FNBP4: variants seen among roughly 807,000 people sequenced by gnomAD.
FNBP4 encodes the protein formin-binding protein 4.
A neutral mutation model predicts 119.3 loss-of-function variants in FNBP4; 34 were observed. That is an observed-to-expected ratio of 0.28 (90% confidence interval 0.22 to 0.38). The LOEUF is 0.38. Ranked by LOEUF, FNBP4 falls within the 10% of genes least tolerant of loss-of-function variation. The probability of loss-of-function intolerance (pLI) is 1.00; values close to 1 mark genes in which losing one functional copy is unlikely to be tolerated. For synonymous variants in FNBP4, 462 were observed against 430.6 expected (o/e 1.07, Z -0.90); for missense variants, 1,112 against 1,228.9 (o/e 0.90, Z 1.42).
At chr11:47,736,101 C>T (rs1234334916) in intron 9 of FNBP4, among the ~76,000 whole-genome samples, 3 of 150,422 alleles carry the variant, frequency 2.0e-5, no homozygotes, top group East Asian at 2.0e-4. Flanking sequence ...ACTTGCCAGG[C>T]GTAGTGGTGG....
chr11:47,720,545 T>TAC (rs1457773615), intron 15 of FNBP4, among the ~76,000 whole-genome samples: 1 of 151,166 alleles, frequency 6.6e-6, no homozygotes, highest in African/African-American at 2.4e-5. Flanking sequence ...CAGCCTGGGC[T>TAC]ACAGAGGGAG....
chr11:47,737,774 T>C (rs955671030), intron 8 of FNBP4, among the ~76,000 whole-genome samples: 2 of 151,522 alleles, frequency 1.3e-5, no homozygotes, highest in African/African-American at 4.9e-5. Context: ...GAGATGGAGT[T>C]TCGCTCTTGT....
At chr11:47,760,747 T>C in intron 2 of FNBP4, among the ~76,000 whole-genome samples, 1 of 152,080 alleles carries the variant, frequency 6.6e-6, no homozygotes, top group Non-Finnish European at 1.5e-5. Context: ...TCTATTTTCG[T>C]AGAGACAGGT....
intron 8 of FNBP4, among the ~76,000 whole-genome samples, chr11:47,739,111 T>C (rs1640704148): frequency 1.3e-5 from 2 of 151,782 alleles, no homozygotes; most frequent in African/African-American, 4.8e-5. Flanking sequence ...TTTTGTTTTT[T>C]AGTAGAGACA....
At chr11:47,731,209 G>T (rs1565128861) in intron 12 of FNBP4, 165 bp downstream of exon 12, 3 of 603,998 alleles carry the variant, frequency 5.0e-6, no homozygotes. Flanking sequence ...ATAGTATGCT[G>T]ATTTCCAACC....
At chr11:47,750,816 T>C in intron 6 of FNBP4, 100 bp downstream of exon 6, 2 of 1,238,806 alleles carry the variant, frequency 1.6e-6, no homozygotes, top group Non-Finnish European at 2.3e-6. Flanking sequence ...CTATTTCACA[T>C]GTATGACATA....
At position 47,750,938 on chromosome 11, in the gene FNBP4, A is replaced by G; in HGVS notation, c.884T>C (p.Ile295Thr). 6.2e-7 allele frequency: 1 copy of G among 1,614,054 alleles called. No homozygotes were observed. The highest frequency in any genetic ancestry group is 8.5e-7 in the Non-Finnish European group (1 of 1,180,010). ...SVSSSKSGPVIAKREVKKEVN... is the reference protein window; with the variant it reads ...SVSSSKSGPVTAKREVKKEVN... Reference sequence around the variant, plus strand: ...GACCTTTTTAACTTCTCGCTTGGCTATGACTGGTCCACTTTTACTACTGGA... The same window carrying G: ...GACCTTTTTAACTTCTCGCTTGGCTGTGACTGGTCCACTTTTACTACTGGA... Residue 295 changes from isoleucine (I) to threonine (T), a missense_variant, in exon 6 of 17, where the codon ATA becomes ACA. By Grantham distance (89) the Ile-to-Thr change is moderately conservative (BLOSUM62 -1). This residue lies in a region of FNBP4 where 826 missense variants were observed against 988.8 expected (regional missense o/e 0.84). Transcript: ENST00000263773.
chr11:47,731,547 TA>T lies in FNBP4; in HGVS notation c.1834del (p.Tyr612IlefsTer4). 1 of 1,609,830 alleles carries T rather than the reference TA, an allele frequency of 6.2e-7. No individual in the cohort carries two copies. The highest frequency in any genetic ancestry group is 8.5e-7 in the Non-Finnish European group (1 of 1,178,946). On this transcript the variant is annotated frameshift_variant, in exon 12 of 17. Transcript: ENST00000263773. LOFTEE classifies it high-confidence loss of function. ...SCHWDRDHRR[Y>X]FYVNEQSGES... ...GCCCGACTGTTCGTTTACATAGAAATACCGTCTATGATCCCTAAATTACAAG... is the reference window on the plus strand; with the variant it reads ...GCCCGACTGTTCGTTTACATAGAAATCCGTCTATGATCCCTAAATTACAAG...
At position 47,732,305 on chromosome 11, in the gene FNBP4, T is replaced by C. The variant is rs2097568335; in HGVS notation, c.1820+232A>G. On this transcript the variant is annotated intron_variant, in intron 11 of 16. Transcript: ENST00000263773. This position sits in a 1 kb window ranked among gnomAD's most constrained non-coding sequence, Gnocchi z 4.2. ...ACACTCTGGAGAGTAAAAACCAGCT[T>C]TGTCCATATCTTGGGAAAAAATCCG... is the stretch of plus-strand genomic sequence containing the variant. 2 of 1,387,562 alleles carry C rather than the reference T, an allele frequency of 1.4e-6. No homozygotes were observed. The highest frequency in any genetic ancestry group is 1.6e-5 in the South Asian group (1 of 62,794). The allele number at this position is 1,387,562 out of a possible 1,614,324, so 86.0% of individuals were successfully genotyped here.
intron 6 of FNBP4, among the ~76,000 whole-genome samples, chr11:47,749,324 C>CATTTTGGGA (rs11283175): frequency 2.0e-5 from 3 of 151,984 alleles, no homozygotes; most frequent in Non-Finnish European, 2.9e-5. Flanking sequence ...GTAATCCCAG[C>CATTTTGGGA]GTCTGAGGCA....
chr11:47,758,784 G>A (rs1034369768), intron 2 of FNBP4, among the ~76,000 whole-genome samples: 2 of 151,686 alleles, frequency 1.3e-5, no homozygotes, highest in African/African-American at 2.4e-5. Context: ...GCTTGAACCC[G>A]GAAGGTGGAC....
At chr11:47,765,574 G>T (rs1273901783) in intron 1 of FNBP4, among the ~76,000 whole-genome samples, 1 of 110,882 alleles carries the variant, frequency 9.0e-6, no homozygotes, top group South Asian at 3.5e-4. Context: ...AGACGGGGGG[G>T]GGGGGGGGCC....
intron 8 of FNBP4, among the ~76,000 whole-genome samples, chr11:47,738,400 C>A (rs968388475): frequency 2.0e-5 from 3 of 151,952 alleles, no homozygotes; most frequent in Non-Finnish European, 4.4e-5. Flanking sequence ...CCTGCCTCTA[C>A]TAAAAATACA....
At chr11:47,736,287 T>G (rs1049760597) in intron 9 of FNBP4, among the ~76,000 whole-genome samples, 1 of 148,604 alleles carries the variant, frequency 6.7e-6, no homozygotes, top group South Asian at 2.1e-4. Context: ...CCGGGCGCAG[T>G]GGCTGACGCC....
chr11:47,720,288 G>A (rs573278490), intron 15 of FNBP4, among the ~76,000 whole-genome samples: 1 of 152,272 alleles, frequency 6.6e-6, no homozygotes, highest in East Asian at 1.9e-4. Context: ...TATAAAGCAG[G>A]CCAGGCGCGG....
chr11:47,744,092 C>T lies in FNBP4; in HGVS notation c.1317G>A (p.Gln439=). 4 of 1,614,114 alleles carry T rather than the reference C, an allele frequency of 2.5e-6. No homozygotes were observed. Among genetic ancestry groups the T allele is most frequent in the Non-Finnish European group, 2.5e-6 (3 of 1,180,032 alleles). The change falls in exon 8 of 17, where the codon CAG becomes CAA. Residue 439 remains glutamine (Q), a synonymous_variant. Coordinates refer to ENST00000263773, the MANE Select transcript of FNBP4 (RefSeq NM_015308.5). The part of the protein sequence containing the change: ...SGSSPRSDIS[Q]PASQDGMRRL... ...TACGCATTCCATCTTGAGATGCTGG[C>T]TGGCTGATATCAGAACGTGGACTAG...
Position 47,721,742 on chromosome 11 carries a change from C to T in FNBP4, c.2805+1234G>A, listed in dbSNP as rs965836424. Reference sequence around the variant, plus strand: ...TTTTTTGCCCCTTTTCTTGAGACTCCGTTTCAAAAGGTGGTATTTGTAAAT... The same window carrying T: ...TTTTTTGCCCCTTTTCTTGAGACTCTGTTTCAAAAGGTGGTATTTGTAAAT... On this transcript the variant is annotated intron_variant, in intron 15 of 16. Coordinates refer to ENST00000263773, the MANE Select transcript of FNBP4 (RefSeq NM_015308.5). Among the ~76,000 whole-genome samples the T allele has an allele frequency of 2.6e-5, 4 of 151,718 alleles. No individual in the cohort carries two copies. In the South Asian group the frequency reaches 6.2e-4, roughly 24 times the overall value.
intron 2 of FNBP4, among the ~76,000 whole-genome samples, chr11:47,764,615 TGAAAA>T (rs1247204016): frequency 6.6e-6 from 1 of 151,886 alleles, no homozygotes; most frequent in Non-Finnish European, 1.5e-5. Flanking sequence ...TATTCTGAAC[TGAAAA>T]GAAATTACTA....
chr11:47,719,568 ATGTGTGTATGTGTGTGTGTGTGTG>A (rs2097553225), intron 16 of FNBP4, among the ~76,000 whole-genome samples: 1 of 104,822 alleles, frequency 9.5e-6, no homozygotes, highest in Non-Finnish European at 1.9e-5. Flanking sequence ...TTAATATGTT[ATGTGTGTATGTGTGTGTGTGTGTG>A]TGTGTGTGTG....
Sources: allele counts gnomAD v4.1 joint callset (sites outside exome capture counted in the v4.1 genomes callset), GRCh38; gene constraint gnomAD v4.1.1; regional missense constraint gnomAD v4.1.1; non-coding constraint Gnocchi (gnomAD v3.1); transcripts MANE v1.5; gene names NCBI Gene and HGNC (gene_info 2026-07-23, HGNC 2026-07-21).